The following MERTK variants were observed in gnomAD, a reference collection of about 807,000 sequenced individuals.
MERTK encodes the protein tyrosine-protein kinase Mer.
In MERTK, 69 loss-of-function variants were observed where a neutral mutation model predicts 99.3. The ratio of observed to expected loss-of-function variants is 0.70; its 90% CI spans 0.57 to 0.85. MERTK has a LOEUF of 0.85. Among genes scored for constraint, MERTK ranks in the 40% least tolerant of loss-of-function variants. The probability of loss-of-function intolerance (pLI) is 0.00; values close to 1 mark genes in which losing one functional copy is unlikely to be tolerated. For missense variants in MERTK, 1,125 were observed against 1,249.4 expected (o/e 0.90, Z 1.50); for synonymous variants, 426 against 467.6 (o/e 0.91, Z 1.15).
chr2:111,993,581 C>G (rs184785443), intron 8 of MERTK, among the ~76,000 whole-genome samples: 124 of 152,176 alleles, frequency 8.1e-4, no homozygotes, highest in Non-Finnish European at 1.1e-3. Flanking sequence ...GTTTCCTACG[C>G]CAGAGAACAT....
intron 8 of MERTK, among the ~76,000 whole-genome samples, chr2:111,991,316 C>T (rs1313968806): frequency 1.3e-5 from 2 of 152,112 alleles, no homozygotes; most frequent in African/African-American, 2.4e-5. Flanking sequence ...TCCTCCGTGT[C>T]CTGGGTTAAC....
At position 111,982,970 on chromosome 2, in the gene MERTK, G is replaced by T. The variant is rs751150587; in HGVS notation, c.1273G>T (p.Val425Leu). 6.2e-7 allele frequency: 1 copy of T among 1,614,116 alleles called. No individual in the cohort carries two copies. Among genetic ancestry groups the T allele is most frequent in the South Asian group, 1.1e-5 (1 of 91,080 alleles). ...ACTGGTGGGCTACCGGATATCCCAC[G>T]TGTGGCAGAGTGCAGGGATTTCCGT... is the stretch of plus-strand genomic sequence containing the variant. ...GELVGYRISH[V>L]WQSAGISKEL... The change falls in exon 8 of 19, where the codon GTG becomes TTG. Residue 425 changes from valine to leucine, a missense_variant. Val to Leu is a conservative substitution (Grantham distance 32, BLOSUM62 1). Coordinates refer to ENST00000295408, the MANE Select transcript of MERTK (RefSeq NM_006343.3).
chr2:111,951,660 A>T (rs754179015), intron 4 of MERTK, among the ~76,000 whole-genome samples: 21 of 151,040 alleles, frequency 1.4e-4, no homozygotes, highest in Non-Finnish European at 2.2e-4. Flanking sequence ...CCTCTTTGAG[A>T]TCCTCATACC....
chr2:112,007,168 T>A (rs1365179965), intron 13 of MERTK, among the ~76,000 whole-genome samples: 2 of 152,234 alleles, frequency 1.3e-5, no homozygotes, highest in African/African-American at 4.8e-5. Context: ...TTTCTTTTTT[T>A]CTTTGAGACG....
chr2:111,946,676 C>T (rs888004328), intron 3 of MERTK, among the ~76,000 whole-genome samples: 7 of 152,210 alleles, frequency 4.6e-5, no homozygotes, highest in East Asian at 1.9e-4. Context: ...AGAATGTCTT[C>T]GTACCATGGA....
At chr2:111,991,661 A>G (rs939462017) in intron 8 of MERTK, among the ~76,000 whole-genome samples, 6 of 152,196 alleles carry the variant, frequency 3.9e-5, no homozygotes, top group African/African-American at 1.4e-4. Flanking sequence ...AGAAAAACCA[A>G]CATTCTTAAC....
In MERTK at chr2:111,948,556, CCA is replaced by C. The variant is rs554636818; in HGVS notation, c.757+990_757+991del. Among the ~76,000 whole-genome samples, 35 of 152,286 alleles carry C rather than the reference CCA, an allele frequency of 2.3e-4. No individual in the cohort carries two copies. The East Asian group carries it at 6.7e-3, about 29-fold the overall frequency. ...GCATCTCAGAATGAAACTCTTAACCCCAGACTTGTTCCACTCCAGAATTCTCC... is the reference window on the plus strand; with the variant it reads ...GCATCTCAGAATGAAACTCTTAACCCGACTTGTTCCACTCCAGAATTCTCC... On this transcript the variant is annotated intron_variant, in intron 4 of 18. Transcript: ENST00000295408.
chr2:111,984,094 T>A (rs1676424520), intron 8 of MERTK, among the ~76,000 whole-genome samples: 1 of 152,072 alleles, frequency 6.6e-6, no homozygotes, highest in South Asian at 2.1e-4. Context: ...TTAGTCAGAG[T>A]CTGAAGGCCT....
intron 11 of MERTK, 100 bp from the exon 12 acceptor site, chr2:112,002,992 A>C: frequency 1.5e-6 from 1 of 688,020 alleles, no homozygotes; most frequent in Middle Eastern, 4.2e-4. Flanking sequence ...ATAAATAAAT[A>C]AGGAATGTTT....
intron 4 of MERTK, among the ~76,000 whole-genome samples, chr2:111,962,921 CAGAGATAA>C (rs1365689721): frequency 2.0e-5 from 3 of 152,086 alleles, no homozygotes; most frequent in African/African-American, 7.2e-5. Context: ...GAAAAAGACA[CAGAGATAA>C]AGTATAGAGA....
At chr2:111,982,784 G>A in intron 7 of MERTK, 58 bp from the exon 8 acceptor site, 1 of 1,578,410 alleles carries the variant, frequency 6.3e-7, no homozygotes, top group South Asian at 1.1e-5. Flanking sequence ...ACCCAGATGA[G>A]AATACATCTG....
intron 6 of MERTK, among the ~76,000 whole-genome samples, chr2:111,970,856 C>G (rs1275482175): frequency 2.9e-5 from 4 of 137,482 alleles, no homozygotes; most frequent in Admixed American, 7.5e-5. Context: ...TTCTCCTCCT[C>G]CTTCTCCTCC....
intron 2 of MERTK, among the ~76,000 whole-genome samples, chr2:111,943,473 A>C (rs1202401262): frequency 6.6e-6 from 1 of 152,166 alleles, no homozygotes; most frequent in African/African-American, 2.4e-5. Flanking sequence ...CAGGAGTTCA[A>C]GGCTGCAGTG....
chr2:111,957,933 C>T (rs558580932), intron 4 of MERTK, among the ~76,000 whole-genome samples: 6 of 152,290 alleles, frequency 3.9e-5, no homozygotes, highest in Admixed American at 1.3e-4. Flanking sequence ...TTAGGAGTTG[C>T]TCCCTCAGCA....
intron 7 of MERTK, among the ~76,000 whole-genome samples, chr2:111,979,250 C>T (rs903258374): frequency 6.6e-6 from 1 of 152,136 alleles, no homozygotes; most frequent in Non-Finnish European, 1.5e-5. Context: ...TTATGTAATA[C>T]TGGCTTAGTA....
chr2:111,921,377 G>A (rs949783171), intron 1 of MERTK, among the ~76,000 whole-genome samples: 1 of 152,072 alleles, frequency 6.6e-6, no homozygotes, highest in African/African-American at 2.4e-5. Flanking sequence ...GTACCTGCCT[G>A]TAGTCCCTGC....
intron 2 of MERTK, chr2:111,940,531 A>G (rs1405762597): frequency 1.6e-6 from 1 of 608,764 alleles, no homozygotes; most frequent in African/African-American, 1.8e-5. Flanking sequence ...TGCTTTAGCA[A>G]CTGCATCCTG....
intron 1 of MERTK, 66 bp downstream of exon 1, chr2:111,898,862 G>T: frequency 1.3e-6 from 2 of 1,496,936 alleles, no homozygotes; most frequent in East Asian, 2.5e-5. Context: ...AGGGGCCTCT[G>T]GGGAGGGAGC....
chr2:112,007,796 A>G (rs967172264), intron 13 of MERTK, among the ~76,000 whole-genome samples: 1 of 152,160 alleles, frequency 6.6e-6, no homozygotes, highest in Admixed American at 6.5e-5. Flanking sequence ...CTTTTTTTAA[A>G]AAAAGCAAAT....
Sources: allele counts gnomAD v4.1 joint callset (sites outside exome capture counted in the v4.1 genomes callset), GRCh38; gene constraint gnomAD v4.1.1; transcripts MANE v1.5; gene names NCBI Gene and HGNC (gene_info 2026-07-23, HGNC 2026-07-21).